The following RREB1 variants were observed in gnomAD, a reference collection of about 807,000 sequenced individuals.
RREB1 encodes the protein ras responsive element binding protein 1.
A neutral mutation model predicts 117.8 loss-of-function variants in RREB1; 27 were observed. The ratio of observed to expected loss-of-function variants is 0.23; its 90% confidence interval spans 0.17 to 0.32. The LOEUF (loss-of-function observed/expected upper bound fraction) is 0.32. Ranked by LOEUF, RREB1 falls within the 10% of genes least tolerant of loss-of-function variation. The pLI, the probability that RREB1 is intolerant of heterozygous loss-of-function variation, is 1.00. For synonymous variants in RREB1, 1,298 were observed against 1,026.7 expected, an observed-to-expected ratio of 1.26 and a Z score of -5.05; for missense variants, 2,577 against 2,378.2, an observed-to-expected ratio of 1.08 and a Z score of -1.74.
intron 1 of RREB1, among the ~76,000 whole-genome samples, chr6:7,128,447 C>A (rs2113343670): frequency 6.6e-6 from 1 of 152,112 alleles, no homozygotes; most frequent in East Asian, 1.9e-4. Flanking sequence ...GGAAGCAGAG[C>A]ACCATGTATG....
intron 4 of RREB1, among the ~76,000 whole-genome samples, chr6:7,182,465 T>G (rs1764859424): frequency 6.6e-6 from 1 of 152,242 alleles, no homozygotes; most frequent in African/African-American, 2.4e-5. Flanking sequence ...AAGTATTGCC[T>G]GTGCTAGGGC....
At chr6:7,190,236 G>T (rs1291222194) in intron 6 of RREB1, among the ~76,000 whole-genome samples, 1 of 152,130 alleles carries the variant, frequency 6.6e-6, no homozygotes, top group Non-Finnish European at 1.5e-5. Context: ...CCTCAAGCAA[G>T]TTACTTAACC....
chr6:7,228,989 C>G lies in RREB1; in HGVS notation c.898-8C>G. ...GTTCCCTTGCTTTTACCGGTGGGTT[C>G]TATATAGGCCTGGTGCGAAACAAAC... On this transcript the variant is annotated splice_polypyrimidine_tract_variant and splice_region_variant and intron_variant, in intron 9 of 12. Transcript: ENST00000379938. 1.3e-6 allele frequency: 2 copies of G among 1,504,630 alleles called. No homozygotes were observed. The highest frequency in any genetic ancestry group is 1.8e-6 in the Non-Finnish European group (2 of 1,124,134). The allele number at this position is 1,504,630 out of a possible 1,614,324, so 93.2% of individuals were successfully genotyped here.
chr6:7,231,828 G>A lies in RREB1; in HGVS notation c.3729G>A (p.Leu1243=), dbSNP rs749050776. 1.7e-5 allele frequency: 27 copies of A among 1,613,620 alleles called. No homozygotes were observed. The highest frequency in any genetic ancestry group is 2.0e-5 in the Non-Finnish European group (24 of 1,180,042). Residue 1243 remains leucine, a synonymous_variant, in exon 10 of 13, where the codon CTG becomes CTA. Transcript: ENST00000379938. ...AGCGGAACTCGTACACCAACTGCCT[G>A]CAGAAGATCACCTGTCCCCACTGTC... ...RAKRNSYTNC[L]QKITCPHCPR...
rs1473853378 is a variant in RREB1, at chr6:7,229,815, C to A, written c.1716C>A (p.His572Gln). 1.2e-6 allele frequency: 2 copies of A among 1,610,046 alleles called. No individual in the cohort carries two copies. The highest frequency in any genetic ancestry group is 2.7e-5 in the African/African-American group (2 of 74,846). The change falls in exon 10 of 13, where the codon CAC (histidine) becomes CAA (glutamine). Residue 572 changes from histidine (H) to glutamine (Q), a missense_variant. By Grantham distance (24) the His-to-Gln change is conservative. Coordinates refer to ENST00000379938, the MANE Select transcript of RREB1 (RefSeq NM_001003699.4). The surrounding 1 kb of genome is among the most constrained non-coding windows in gnomAD (Gnocchi z 4.5). ...LLQSKSGTQP[H>Q]AATRLSLQQP... ...AGTCCAAGTCCGGGACCCAGCCCCACGCGGCCACGCGGCTCTCCCTGCAGC... is the reference window on the plus strand; with the variant it reads ...AGTCCAAGTCCGGGACCCAGCCCCAAGCGGCCACGCGGCTCTCCCTGCAGC...
chr6:7,109,397 A>C (rs1399261971), intron 1 of RREB1, among the ~76,000 whole-genome samples: 1 of 151,298 alleles, frequency 6.6e-6, no homozygotes, highest in African/African-American at 2.4e-5. Context: ...CTCCCTGGGA[A>C]GCGGCGTGTT....
intron 8 of RREB1, among the ~76,000 whole-genome samples, chr6:7,223,336 C>G (rs778231403): frequency 6.7e-6 from 1 of 149,440 alleles, no homozygotes; most frequent in Non-Finnish European, 1.5e-5. Flanking sequence ...CCGAGGCGGG[C>G]AGATCAGCTG....
intron 8 of RREB1, among the ~76,000 whole-genome samples, chr6:7,222,422 C>T (rs957929852): frequency 1.3e-5 from 2 of 152,128 alleles, no homozygotes; most frequent in African/African-American, 4.8e-5. Context: ...AATCTGAACT[C>T]CCTGATCCCC....
intron 1 of RREB1, among the ~76,000 whole-genome samples, chr6:7,150,490 C>T (rs1763067746): frequency 6.6e-6 from 1 of 152,184 alleles, no homozygotes; most frequent in African/African-American, 2.4e-5. Context: ...TATAGTTGTG[C>T]ATATGCATGG....
chr6:7,244,953 G>A (rs941887193), intron 11 of RREB1, among the ~76,000 whole-genome samples: 1 of 152,206 alleles, frequency 6.6e-6, no homozygotes, highest in Non-Finnish European at 1.5e-5. Context: ...ATCACGTCAA[G>A]TGAGAATCCA....
chr6:7,193,156 T>G (rs973371599), intron 6 of RREB1, among the ~76,000 whole-genome samples: 1 of 152,264 alleles, frequency 6.6e-6, no homozygotes, highest in African/African-American at 2.4e-5. Flanking sequence ...TATTAATTTG[T>G]TACTGATTTC....
In RREB1 at chr6:7,251,621, C is replaced by T. The variant is rs1043574096; in HGVS notation, c.*2653C>T. ...GTTCCAAGCAGCGCTGGGGAAGCTA[C>T]GTAACAGTCGGATGCCAGTTTTGGA... On this transcript the variant is annotated 3_prime_UTR_variant, in exon 13 of 13. Coordinates refer to ENST00000379938, the MANE Select transcript of RREB1 (RefSeq NM_001003699.4). The T allele has an allele frequency of 4.6e-5, 7 of 151,742 alleles. No individual in the cohort carries two copies. The highest frequency in any genetic ancestry group is 1.0e-4 in the Non-Finnish European group (7 of 67,982). The allele number at this position is 151,742 out of a possible 1,614,324, so 9.4% of individuals were successfully genotyped here.
Position 7,240,479 on chromosome 6 carries a change from T to A in RREB1, c.3850T>A (p.Ser1284Thr). 6.2e-7 allele frequency: 1 copy of A among 1,614,048 alleles called. No homozygotes were observed. Among genetic ancestry groups the A allele is most frequent in the Non-Finnish European group, 8.5e-7 (1 of 1,179,972 alleles). ...TTGTCAAAAATGCGATGCCTTCTTTTCTACCAAATCTAACTGTGAACGCCA... is the reference window on the plus strand; with the variant it reads ...TTGTCAAAAATGCGATGCCTTCTTTACTACCAAATCTAACTGTGAACGCCA... ...FPCQKCDAFF[S>T]TKSNCERHQL... Residue 1284 changes from serine (S) to threonine (T), a missense_variant, in exon 11 of 13, where the codon TCT (serine) becomes ACT (threonine). By Grantham distance (58) the Ser-to-Thr change is moderately conservative. Transcript: ENST00000379938.
intron 1 of RREB1, among the ~76,000 whole-genome samples, chr6:7,126,034 C>T (rs1034359295): frequency 6.6e-6 from 1 of 150,716 alleles, no homozygotes; most frequent in Non-Finnish European, 1.5e-5. Context: ...CGGAGTCTTG[C>T]TCTGTCGCCC....
intron 1 of RREB1, among the ~76,000 whole-genome samples, chr6:7,171,794 G>A (rs1478904350): frequency 6.6e-6 from 1 of 152,270 alleles, no homozygotes; most frequent in Non-Finnish European, 1.5e-5. Flanking sequence ...CATGAGGGAT[G>A]AGGTCAGGAG....
At chr6:7,189,094 T>C (rs1765259538) in intron 5 of RREB1, 65 bp from the exon 6 acceptor site, 4 of 1,458,086 alleles carry the variant, frequency 2.7e-6, no homozygotes, top group Non-Finnish European at 3.7e-6. Flanking sequence ...TGGATCTGCA[T>C]TTCCTAAGAG....
intron 10 of RREB1, among the ~76,000 whole-genome samples, chr6:7,234,881 T>A (rs1194047259): frequency 5.3e-5 from 8 of 152,182 alleles, no homozygotes; most frequent in African/African-American, 1.9e-4. Flanking sequence ...GGTCAGGGTG[T>A]GTGTGCCCAG....
chr6:7,181,882 G>A lies in RREB1; in HGVS notation c.-30G>A. 6.2e-7 allele frequency: 1 copy of A among 1,613,340 alleles called. No individual in the cohort carries two copies. Among genetic ancestry groups the A allele is most frequent in the Non-Finnish European group, 8.5e-7 (1 of 1,179,280 alleles). On this transcript the variant is annotated 5_prime_UTR_variant, in exon 4 of 13. Coordinates refer to ENST00000379938, the MANE Select transcript of RREB1 (RefSeq NM_001003699.4). Reference sequence around the variant, plus strand: ...TTCCAATTTTCAGTTTTATAGCAGAGGCTTCTTAGAAGCTTAAACCCCTGT... The same window carrying A: ...TTCCAATTTTCAGTTTTATAGCAGAAGCTTCTTAGAAGCTTAAACCCCTGT...
intron 8 of RREB1, among the ~76,000 whole-genome samples, chr6:7,221,468 G>A (rs531974122): frequency 1.4e-4 from 22 of 152,226 alleles, no homozygotes; most frequent in Non-Finnish European, 2.6e-4. Context: ...CACCGCGCCC[G>A]GCCGCAAGTG....
Sources: allele counts gnomAD v4.1 joint callset (sites outside exome capture counted in the v4.1 genomes callset), GRCh38; gene constraint gnomAD v4.1.1; non-coding constraint Gnocchi (gnomAD v3.1); transcripts MANE v1.5; gene names NCBI Gene and HGNC (gene_info 2026-07-23, HGNC 2026-07-21).